PID1: variants seen among roughly 807,000 people sequenced by gnomAD.
The protein encoded by PID1 is phosphotyrosine interaction domain containing 1, also known as PTB-containing, cubilin and LRP1-interacting protein.
In PID1, 10 loss-of-function variants were observed where a neutral mutation model predicts 19.1. The ratio of observed to expected loss-of-function variants is 0.52; its 90% CI spans 0.32 to 0.89. The LOEUF is 0.89. Ranked by LOEUF, PID1 falls within the 40% of genes least tolerant of loss-of-function variation. The pLI, the probability that PID1 is intolerant of heterozygous loss-of-function variation, is 0.03. For synonymous variants in PID1, 130 were observed against 116.0 expected (o/e 1.12, Z -0.78); for missense variants, 248 against 285.3 (o/e 0.87, Z 0.94).
At chr2:229,244,205 C>A (rs1199263367) in intron 1 of PID1, among the ~76,000 whole-genome samples, 1 of 152,172 alleles carries the variant, frequency 6.6e-6, no homozygotes, top group African/African-American at 2.4e-5. Context: ...TGACACAAGA[C>A]AAACCAGGAT....
At chr2:229,092,397 A>G (rs1013546865) in intron 2 of PID1, among the ~76,000 whole-genome samples, 3 of 152,142 alleles carry the variant, frequency 2.0e-5, no homozygotes, top group African/African-American at 4.8e-5. Context: ...TAACTACCCA[A>G]TCCTTGTGTT....
chr2:229,265,261 T>C (rs1690565320), intron 1 of PID1, among the ~76,000 whole-genome samples: 1 of 152,214 alleles, frequency 6.6e-6, no homozygotes, highest in African/African-American at 2.4e-5. Flanking sequence ...AGAGGAATCC[T>C]GGGCCATCAG....
At chr2:229,113,427 CACATACATATATATACACACACAA>C (rs1695339045) in intron 2 of PID1, among the ~76,000 whole-genome samples, 1 of 119,982 alleles carries the variant, frequency 8.3e-6, no homozygotes, top group South Asian at 2.4e-4. Flanking sequence ...TATATACACA[CACATACATATATATACACACACAA>C]ACACACACAC....
intron 2 of PID1, among the ~76,000 whole-genome samples, chr2:229,130,693 TGC>T (rs928119863): frequency 6.6e-6 from 1 of 152,174 alleles, no homozygotes; most frequent in Non-Finnish European, 1.5e-5. Context: ...TAATTCATCT[TGC>T]GTCATCAGCA....
At chr2:229,269,550 C>CT (rs1690680057) in intron 1 of PID1, among the ~76,000 whole-genome samples, 1 of 152,252 alleles carries the variant, frequency 6.6e-6, no homozygotes, top group Non-Finnish European at 1.5e-5. Context: ...AAGCTACCCT[C>CT]TGCACTTGAA....
At chr2:229,211,890 G>T (rs141569596) in intron 1 of PID1, among the ~76,000 whole-genome samples, 1 of 152,214 alleles carries the variant, frequency 6.6e-6, no homozygotes, top group Non-Finnish European at 1.5e-5. Flanking sequence ...TAAGAAAATT[G>T]TATGTACTAG....
Position 229,025,923 on chromosome 2 carries a change from G to A in PID1, c.363C>T (p.Ala121=), listed in dbSNP as rs1180152997. ...CCTGGAAGGTATCCATGTGCACTGT[G>A]GCCTCCCCTTTGTGGTCGAGATGAT... ...WLHHLDHKGE[A]TVHMDTFQVA... The change falls in exon 3 of 3, where the codon GCC becomes GCT. Residue 121 remains alanine (A), a synonymous_variant. Coordinates refer to ENST00000392055, the MANE Select transcript of PID1 (RefSeq NM_001100818.2). 6.2e-7 allele frequency: 1 copy of A among 1,614,160 alleles called. No homozygotes were observed. The highest frequency in any genetic ancestry group is 1.3e-5 in the African/African-American group (1 of 75,062).
intron 2 of PID1, among the ~76,000 whole-genome samples, chr2:229,039,842 T>C (rs77938932): frequency 0.017 from 2,654 of 152,270 alleles, 93 homozygotes; most frequent in African/African-American, 0.061. Flanking sequence ...GAACTATCAT[T>C]CTATAACAAA....
chr2:229,182,095 C>T (rs2106219674), intron 1 of PID1, among the ~76,000 whole-genome samples: 1 of 152,236 alleles, frequency 6.6e-6, no homozygotes. Flanking sequence ...ATTTTTAGGG[C>T]AATGTAACTA....
At chr2:229,270,752 T>C (rs571731505) in intron 1 of PID1, among the ~76,000 whole-genome samples, 4 of 151,832 alleles carry the variant, frequency 2.6e-5, no homozygotes, top group Admixed American at 1.3e-4. Flanking sequence ...AGTCCAACCT[T>C]ATATGTACCA....
chr2:229,062,235 G>A (rs1347826093), intron 2 of PID1, among the ~76,000 whole-genome samples: 2 of 151,816 alleles, frequency 1.3e-5, no homozygotes, highest in African/African-American at 2.4e-5. Flanking sequence ...TTTTGTATAC[G>A]GACTTTATTA....
At chr2:229,159,556 C>T (rs929531872) in intron 1 of PID1, among the ~76,000 whole-genome samples, 2 of 152,132 alleles carry the variant, frequency 1.3e-5, no homozygotes, top group Non-Finnish European at 2.9e-5. Flanking sequence ...CTGACAGTCT[C>T]CTTTGCAGTT....
chr2:229,198,268 T>C (rs1691420336), intron 1 of PID1, among the ~76,000 whole-genome samples: 1 of 152,092 alleles, frequency 6.6e-6, no homozygotes, highest in Non-Finnish European at 1.5e-5. Flanking sequence ...GTAACATAAA[T>C]ACCTTTCAAA....
intron 2 of PID1, among the ~76,000 whole-genome samples, chr2:229,132,692 C>T (rs948799014): frequency 5.3e-5 from 8 of 152,144 alleles, no homozygotes; most frequent in Admixed American, 3.9e-4. Flanking sequence ...ATGAGACAAA[C>T]TCTTTAATTC....
At chr2:229,049,934 CAT>C (rs10582989) in intron 2 of PID1, among the ~76,000 whole-genome samples, 79,215 of 151,746 alleles carry the variant, frequency 0.52, 21,434 homozygotes, top group East Asian at 0.67. Flanking sequence ...TATACACACA[CAT>C]GCATAGAAGT....
At chr2:229,164,657 A>C (rs563752722) in intron 1 of PID1, among the ~76,000 whole-genome samples, 1 of 152,340 alleles carries the variant, frequency 6.6e-6, no homozygotes, top group East Asian at 1.9e-4. Flanking sequence ...GTTAAGAAAC[A>C]ACAGTTTGTG....
intron 1 of PID1, among the ~76,000 whole-genome samples, chr2:229,175,686 C>G (rs1046657816): frequency 7.2e-5 from 11 of 152,164 alleles, no homozygotes; most frequent in African/African-American, 2.7e-4. Flanking sequence ...GAAGACAATA[C>G]AAAGAGGGAT....
At chr2:229,215,301 T>C (rs1691822014) in intron 1 of PID1, among the ~76,000 whole-genome samples, 1 of 152,272 alleles carries the variant, frequency 6.6e-6, no homozygotes, top group African/African-American at 2.4e-5. Flanking sequence ...TGACTCTATT[T>C]GAGTCTTTTG....
At chr2:229,142,030 TAA>T (rs1022324877) in intron 2 of PID1, among the ~76,000 whole-genome samples, 4 of 152,080 alleles carry the variant, frequency 2.6e-5, no homozygotes, top group Admixed American at 1.3e-4. Flanking sequence ...CCTTCATATT[TAA>T]AAGAGGATTT....
Sources: allele counts gnomAD v4.1 joint callset (sites outside exome capture counted in the v4.1 genomes callset), GRCh38; gene constraint gnomAD v4.1.1; transcripts MANE v1.5; gene names NCBI Gene and HGNC (gene_info 2026-07-23, HGNC 2026-07-21).